ZFYVE28: variants seen among roughly 807,000 people sequenced by gnomAD.
ZFYVE28 encodes zinc finger FYVE-type containing 28.
Under a neutral mutation model 82.1 loss-of-function variants are expected in ZFYVE28, and 40 were observed. The observed-to-expected ratio is 0.49, with a 90% confidence interval of 0.38 to 0.63. ZFYVE28 has a LOEUF of 0.63. Ranked by LOEUF, ZFYVE28 falls within the 30% of genes least tolerant of loss-of-function variation. The pLI is 0.00. For missense variants in ZFYVE28, 1,321 were observed against 1,242.1 expected (o/e 1.06, Z -0.96); for synonymous variants, 612 against 546.1 (o/e 1.12, Z -1.68).
chr4:2,270,790 G>A lies in ZFYVE28; in HGVS notation c.2599C>T (p.Arg867Ter), dbSNP rs775793822. The A allele has an allele frequency of 2.5e-6, 4 of 1,613,022 alleles. No individual in the cohort carries two copies. The highest frequency in any genetic ancestry group is 1.7e-5 in the Admixed American group (1 of 60,004). ...AACATGTAGCAGTGGGTGCACACTC[G>A]GACCGGCTTCACCTGCCCGTAGCGG... ...LPRYGQVKPV[R>*]VCTHCYMFHV... The change falls in exon 13 of 13, where the codon CGA becomes TGA. Residue 867 changes from arginine to a stop codon, truncating the protein, a stop_gained. Transcript: ENST00000290974. LOFTEE classifies it high-confidence loss of function.
chr4:2,386,183 C>G (rs1729240216), intron 1 of ZFYVE28, among the ~76,000 whole-genome samples: 1 of 152,152 alleles, frequency 6.6e-6, no homozygotes, highest in South Asian at 2.1e-4. Context: ...CCCAAAAGAA[C>G]AGTATTAAGA....
chr4:2,399,708 G>C (rs1177045419), intron 1 of ZFYVE28, among the ~76,000 whole-genome samples: 49 of 152,370 alleles, frequency 3.2e-4, no homozygotes, highest in Admixed American at 3.2e-3. Context: ...CACCCAGCAA[G>C]TGGCGATACT....
chr4:2,306,354 G>C (rs990426143), intron 7 of ZFYVE28, among the ~76,000 whole-genome samples: 2 of 152,220 alleles, frequency 1.3e-5, no homozygotes, highest in Non-Finnish European at 2.9e-5. Flanking sequence ...TGCAGAGCTG[G>C]GCAGAACTTT....
intron 6 of ZFYVE28, among the ~76,000 whole-genome samples, chr4:2,326,402 T>C (rs1719854566): frequency 6.6e-6 from 1 of 152,216 alleles, no homozygotes; most frequent in South Asian, 2.1e-4. Context: ...TGTCCTGTTG[T>C]TTTGTTTTTG....
intron 6 of ZFYVE28, among the ~76,000 whole-genome samples, chr4:2,324,179 G>A (rs149303017): frequency 2.2e-4 from 34 of 152,288 alleles, no homozygotes; most frequent in African/African-American, 7.9e-4. Flanking sequence ...GAGAAGAGTT[G>A]ACACGGCAGC....
intron 1 of ZFYVE28, among the ~76,000 whole-genome samples, chr4:2,400,288 A>G (rs1378752799): frequency 2.6e-5 from 4 of 152,224 alleles, no homozygotes; most frequent in African/African-American, 9.7e-5. Flanking sequence ...AGTGCCATCA[A>G]TGACGCCCAT....
At chr4:2,370,724 A>G (rs1727451370) in intron 1 of ZFYVE28, among the ~76,000 whole-genome samples, 2 of 152,124 alleles carry the variant, frequency 1.3e-5, no homozygotes, top group Non-Finnish European at 2.9e-5. Flanking sequence ...GGCTCCCCGG[A>G]CGTGGCAAGG....
At chr4:2,350,396 G>A (rs1053726714) in intron 2 of ZFYVE28, among the ~76,000 whole-genome samples, 17 of 151,988 alleles carry the variant, frequency 1.1e-4, no homozygotes, top group Admixed American at 3.9e-4. Flanking sequence ...CCTGGGAGGC[G>A]GAACTTGGAC....
rs1361431453 is a variant in ZFYVE28, at chr4:2,350,450, C to A, written c.180+3483G>T. 5.3e-5 allele frequency among the ~76,000 whole-genome samples: 8 copies of A among 150,390 alleles called. No individual in the cohort carries two copies. In the East Asian group the frequency reaches 1.6e-3, roughly 29 times the overall value. On this transcript the variant is annotated intron_variant, in intron 2 of 12. Coordinates refer to ENST00000290974, the MANE Select transcript of ZFYVE28 (RefSeq NM_020972.3). Reference sequence around the variant, plus strand: ...CTGCACTCCAGCCTGGGCGACAGAGCGAGACTCCGTCTCAAAAAAAAAAAA... The same window carrying A: ...CTGCACTCCAGCCTGGGCGACAGAGAGAGACTCCGTCTCAAAAAAAAAAAA...
intron 8 of ZFYVE28, chr4:2,287,606 G>C (rs979762506): frequency 1.3e-5 from 2 of 152,256 alleles, no homozygotes; most frequent in Admixed American, 1.3e-4. Flanking sequence ...AGGTGGCTGC[G>C]GCTGGTGTTC....
At chr4:2,284,385 C>G (rs1175328540) in intron 8 of ZFYVE28, among the ~76,000 whole-genome samples, 1 of 152,202 alleles carries the variant, frequency 6.6e-6, no homozygotes, top group Non-Finnish European at 1.5e-5. Context: ...CCGTGGCTCG[C>G]CTGGGGCTTT....
intron 1 of ZFYVE28, among the ~76,000 whole-genome samples, chr4:2,404,857 C>CTTTTTCTT (rs550584895): frequency 2.3e-4 from 26 of 110,994 alleles, no homozygotes; most frequent in Admixed American, 8.6e-4. Flanking sequence ...CAGTCTCGCT[C>CTTTTTCTT]TTTTTTTTTT....
At chr4:2,311,908 C>T (rs1717519667) in intron 7 of ZFYVE28, among the ~76,000 whole-genome samples, 1 of 152,210 alleles carries the variant, frequency 6.6e-6, no homozygotes, top group Admixed American at 6.5e-5. Flanking sequence ...TCCCAAGTAG[C>T]TGGGACTATA....
chr4:2,296,917 G>A (rs1295306495), intron 8 of ZFYVE28, among the ~76,000 whole-genome samples: 1 of 152,128 alleles, frequency 6.6e-6, no homozygotes, highest in Non-Finnish European at 1.5e-5. Flanking sequence ...CCCCAGAAGA[G>A]CTCCACACTA....
At chr4:2,324,146 G>A (rs1208519147) in intron 6 of ZFYVE28, among the ~76,000 whole-genome samples, 1 of 152,140 alleles carries the variant, frequency 6.6e-6, no homozygotes, top group African/African-American at 2.4e-5. Flanking sequence ...GGGCTGGAAA[G>A]TCCAAATTCT....
chr4:2,397,186 G>C (rs990891493), intron 1 of ZFYVE28, among the ~76,000 whole-genome samples: 2 of 152,134 alleles, frequency 1.3e-5, no homozygotes, highest in African/African-American at 4.8e-5. Context: ...AAATGTTATT[G>C]CTGGGCTGGG....
At chr4:2,336,450 C>A (rs1428628458) in intron 5 of ZFYVE28, among the ~76,000 whole-genome samples, 4 of 152,120 alleles carry the variant, frequency 2.6e-5, no homozygotes, top group African/African-American at 4.8e-5. Flanking sequence ...CACCATAGTA[C>A]CACTTGAACA....
chr4:2,330,258 G>A (rs879193763), intron 6 of ZFYVE28: 1 of 987,640 alleles, frequency 1.0e-6, no homozygotes, highest in South Asian at 4.6e-5. Context: ...GTGAGTCATA[G>A]GGTAATGAAT....
At chr4:2,405,023 T>C (rs1271734362) in intron 1 of ZFYVE28, among the ~76,000 whole-genome samples, 2 of 152,156 alleles carry the variant, frequency 1.3e-5, no homozygotes, top group African/African-American at 4.8e-5. Flanking sequence ...TAGGCCACCA[T>C]GCCCAGCCAC....
Sources: gnomAD v4.1 joint callset for allele counts (sites outside exome capture counted in the v4.1 genomes callset) on GRCh38, gnomAD v4.1.1 for gene constraint, MANE v1.5 for transcripts, NCBI Gene and HGNC (gene_info 2026-07-23, HGNC 2026-07-21) for gene names.